CATSPERE: variants seen among roughly 807,000 people sequenced by gnomAD.
CATSPERE encodes catsper channel auxiliary subunit epsilon, also known as cation channel sperm-associated auxiliary subunit epsilon.
Under a neutral mutation model 114.1 loss-of-function variants are expected in CATSPERE, and 93 were observed. The observed-to-expected ratio is 0.81, with a 90% confidence interval of 0.69 to 0.97. The LOEUF is 0.97. Ranked by LOEUF, CATSPERE falls within the 50% of genes least tolerant of loss-of-function variation. The probability of loss-of-function intolerance (pLI) is 0.00; values close to 1 mark genes in which losing one functional copy is unlikely to be tolerated. For missense variants in CATSPERE, 1,058 were observed against 1,131.6 expected (o/e 0.93, Z 0.93); for synonymous variants, 341 against 384.1 (o/e 0.89, Z 1.31).
intron 8 of CATSPERE, among the ~76,000 whole-genome samples, chr1:244,522,402 C>A (rs1256898100): frequency 6.6e-6 from 1 of 152,032 alleles, no homozygotes; most frequent in Non-Finnish European, 1.5e-5. Flanking sequence ...AAAATTGACA[C>A]CCTAACATCA....
intron 10 of CATSPERE, among the ~76,000 whole-genome samples, chr1:244,562,807 C>T (rs1427749744): frequency 6.6e-6 from 1 of 152,022 alleles, no homozygotes; most frequent in African/African-American, 2.4e-5. Flanking sequence ...CATAGGTATA[C>T]ACGTGCCATG....
chr1:244,543,134 G>A (rs771411185), intron 8 of CATSPERE, among the ~76,000 whole-genome samples: 1 of 152,112 alleles, frequency 6.6e-6, no homozygotes, highest in Non-Finnish European at 1.5e-5. Flanking sequence ...CCACTTCTAA[G>A]TGTGTATCCA....
At chr1:244,538,171 A>G (rs1680656431) in intron 8 of CATSPERE, among the ~76,000 whole-genome samples, 1 of 152,206 alleles carries the variant, frequency 6.6e-6, no homozygotes, top group East Asian at 1.9e-4. Flanking sequence ...TTTTTAAAAA[A>G]TCTTTTCAAA....
chr1:244,588,432 T>C (rs1233694120), intron 13 of CATSPERE, 50 bp from the exon 14 acceptor site: 1 of 1,338,338 alleles, frequency 7.5e-7, no homozygotes, highest in Admixed American at 1.7e-5. Context: ...ATATTTTAGA[T>C]CATATGAATC....
intron 17 of CATSPERE, among the ~76,000 whole-genome samples, chr1:244,597,096 TATC>T (rs1201450372): frequency 6.6e-6 from 1 of 152,188 alleles, no homozygotes; most frequent in Non-Finnish European, 1.5e-5. Context: ...CTTTCTCCTG[TATC>T]ATCAACTTTT....
chr1:244,564,363 C>A (rs1663079348), intron 10 of CATSPERE, among the ~76,000 whole-genome samples: 1 of 152,008 alleles, frequency 6.6e-6, no homozygotes, highest in Non-Finnish European at 1.5e-5. Flanking sequence ...TTTCACAATA[C>A]TGATTCTTCC....
intron 18 of CATSPERE, among the ~76,000 whole-genome samples, chr1:244,608,758 C>T (rs1030429452): frequency 2.0e-5 from 3 of 152,114 alleles, no homozygotes; most frequent in Non-Finnish European, 4.4e-5. Flanking sequence ...TAGTTCAATT[C>T]TCTAGCACCA....
intron 10 of CATSPERE, among the ~76,000 whole-genome samples, chr1:244,564,225 G>A (rs188846966): frequency 4.7e-4 from 71 of 152,198 alleles, no homozygotes; most frequent in African/African-American, 1.7e-3. Context: ...GGATTGTCTT[G>A]GCTATACAGG....
chr1:244,485,579 CTT>C (rs772182557), intron 5 of CATSPERE, among the ~76,000 whole-genome samples: 19 of 151,896 alleles, frequency 1.3e-4, no homozygotes, highest in Middle Eastern at 3.4e-3. Context: ...CTTCCTGACT[CTT>C]AAAATCTTGT....
chr1:244,559,220 G>A (rs1456101629), intron 9 of CATSPERE, among the ~76,000 whole-genome samples: 1 of 152,132 alleles, frequency 6.6e-6, no homozygotes, highest in Non-Finnish European at 1.5e-5. Flanking sequence ...TTCTTCTATA[G>A]CTCACCATTT....
rs550614620 is a variant in CATSPERE, at chr1:244,524,743, C to A, written c.536+6045C>A. Among the ~76,000 whole-genome samples the A allele has an allele frequency of 6.0e-3, 897 of 148,842 alleles. 13 individuals carry two copies. Among genetic ancestry groups the A allele is most frequent in the African/African-American group, 0.021 (830 of 38,628 alleles). On this transcript the variant is annotated intron_variant, in intron 8 of 21. Coordinates refer to ENST00000366534, the MANE Select transcript of CATSPERE (RefSeq NM_001130957.2). ...GCCAAAAACCACATGAAAAAATGCT[C>A]ACCATCACTGGCCATCAGAGAAATG...
intron 2 of CATSPERE, among the ~76,000 whole-genome samples, chr1:244,468,254 G>A (rs904368075): frequency 1.1e-4 from 17 of 151,562 alleles, no homozygotes; most frequent in Non-Finnish European, 1.6e-4. Context: ...CACCACGCCC[G>A]GCTAATTTTT....
chr1:244,548,447 T>G (rs1660101437), intron 8 of CATSPERE, among the ~76,000 whole-genome samples: 1 of 152,242 alleles, frequency 6.6e-6, no homozygotes, highest in South Asian at 2.1e-4. Flanking sequence ...GGTGGCAGGC[T>G]GACTACACTG....
upstream of CATSPERE, among the ~76,000 whole-genome samples, chr1:244,459,105 A>G (rs1246777866): frequency 1.4e-5 from 2 of 144,062 alleles, no homozygotes; most frequent in African/African-American, 5.2e-5. Flanking sequence ...TTTGAGACAG[A>G]GTCTAGTTCT....
intron 20 of CATSPERE, among the ~76,000 whole-genome samples, chr1:244,625,040 G>C (rs1465859066): frequency 6.6e-6 from 1 of 151,986 alleles, no homozygotes; most frequent in African/African-American, 2.4e-5. Context: ...TGCTAATGTT[G>C]ATATTTTTAC....
At chr1:244,451,701 G>A, upstream of CATSPERE, 1 of 1,612,336 alleles carries the variant, frequency 6.2e-7, no homozygotes, top group Non-Finnish European at 8.5e-7. The surrounding 1 kb of genome is among the most constrained non-coding windows in gnomAD (Gnocchi z 6.6). Context: ...TGCCTTCGTC[G>A]CCCCACTGCG....
At chr1:244,596,488 C>G (rs564214922) in intron 17 of CATSPERE, among the ~76,000 whole-genome samples, 1 of 152,154 alleles carries the variant, frequency 6.6e-6, no homozygotes, top group East Asian at 1.9e-4. Flanking sequence ...AGCTGAGCCC[C>G]AAGTGTGGGG....
At chr1:244,490,875 C>T (rs1671994641) in intron 6 of CATSPERE, among the ~76,000 whole-genome samples, 1 of 151,694 alleles carries the variant, frequency 6.6e-6, no homozygotes, top group Non-Finnish European at 1.5e-5. Flanking sequence ...AATAAATTTA[C>T]CATAGTCTTG....
intron 7 of CATSPERE, among the ~76,000 whole-genome samples, chr1:244,513,627 C>T (rs765373239): frequency 1.3e-5 from 2 of 152,118 alleles, no homozygotes; most frequent in African/African-American, 2.4e-5. Context: ...ATGTGGGTGC[C>T]GCTTGCAACG....
Sources: allele counts gnomAD v4.1 joint callset (sites outside exome capture counted in the v4.1 genomes callset), GRCh38; gene constraint gnomAD v4.1.1; non-coding constraint Gnocchi (gnomAD v3.1); transcripts MANE v1.5; gene names NCBI Gene and HGNC (gene_info 2026-07-23, HGNC 2026-07-21).